Variants in OGDHL observed in about 807,000 individuals in gnomAD.
OGDHL encodes oxoglutarate dehydrogenase L.
A neutral mutation model predicts 109.6 loss-of-function variants in OGDHL; 79 were observed. That is an observed-to-expected ratio of 0.72 (90% CI 0.60 to 0.87). The LOEUF is 0.87. Ranked by LOEUF, OGDHL falls within the 40% of genes least tolerant of loss-of-function variation. OGDHL has a pLI of 0.00. For missense variants in OGDHL, 1,275 were observed against 1,362.2 expected (o/e 0.94, Z 1.01); for synonymous variants, 528 against 537.2 (o/e 0.98, Z 0.24).
rs780553408 is a variant in OGDHL, at chr10:49,744,050, G to A, written c.1805C>T (p.Thr602Ile). 3 of 1,614,044 alleles carry A rather than the reference G, an allele frequency of 1.9e-6. No individual in the cohort carries two copies. Among genetic ancestry groups the A allele is most frequent in the South Asian group, 1.1e-5 (1 of 91,088 alleles). The change falls in exon 14 of 23, where the codon ACC becomes ATC. Residue 602 changes from threonine to isoleucine, a missense_variant. Transcript: ENST00000374103. ...AGAGCTGGCCACACTGCCGATGTGG[G>A]TGAGCATGTCCTCAGGGATCCCCGT... is the stretch of plus-strand genomic sequence containing the variant. Reference protein sequence around the residue: ...PATGIPEDMLTHIGSVASSVP... With the variant: ...PATGIPEDMLIHIGSVASSVP...
chr10:49,736,593 A>T, intron 20 of OGDHL, 73 bp from the exon 21 acceptor site: 1 of 1,505,102 alleles, frequency 6.6e-7, no homozygotes, highest in Non-Finnish European at 9.0e-7. Flanking sequence ...CCAGGCCTGC[A>T]TCCCCAGGCT....
chr10:49,734,972 C>T lies in OGDHL; in HGVS notation c.*256G>A. 1 of 313,356 alleles carries T rather than the reference C, an allele frequency of 3.2e-6. No homozygotes were observed. The highest frequency in any genetic ancestry group is 9.8e-5 in the South Asian group (1 of 10,224). 19.4% of individuals were successfully genotyped at this position (313,356 alleles called of 1,614,324 possible). A position where few individuals can be genotyped will look rare whatever the true frequency, so the allele number is the denominator to read the frequency against. On this transcript the variant is annotated 3_prime_UTR_variant, in exon 23 of 23. Transcript: ENST00000374103. ...AGGTGGAGAAGCCGCCCAAGAAATT[C>T]CAGCAAGATGGGAGCAGCTGGGGGA...
intron 2 of OGDHL, 148 bp from the exon 3 acceptor site, chr10:49,757,094 G>A (rs1437560930): frequency 1.5e-6 from 1 of 678,844 alleles, no homozygotes; most frequent in South Asian, 2.5e-5. Context: ...TACATACAAC[G>A]ATGTTCCCTG....
chr10:49,737,455 C>T (rs73305372), intron 20 of OGDHL, among the ~76,000 whole-genome samples: 12,535 of 152,230 alleles, frequency 0.082, 1,732 homozygotes, highest in African/African-American at 0.28. Context: ...GTCTGTTTGG[C>T]TCATGAATTT....
Position 49,746,800 on chromosome 10 carries a change from G to A in OGDHL, c.1246C>T (p.Leu416=), listed in dbSNP as rs1472158499. 1 of 1,614,198 alleles carries A rather than the reference G, an allele frequency of 6.2e-7. No individual in the cohort carries two copies. The highest frequency in any genetic ancestry group is 8.5e-7 in the Non-Finnish European group (1 of 1,180,032). The change falls in exon 10 of 23, where the codon CTG becomes TTG. Residue 416 remains leucine (L), a synonymous_variant. Coordinates refer to ENST00000374103, the MANE Select transcript of OGDHL (RefSeq NM_018245.3). ...GTACCATTGGTCGTGTAGGAGGGCA[G>A]GTCGCTCAGGTGGAAGGTCTCATAT... is the stretch of plus-strand genomic sequence containing the variant. The part of the protein sequence containing the change: ...VVYETFHLSD[L]PSYTTNGTVH...
In OGDHL at chr10:49,742,818, C is replaced by T. The variant is rs1401556514; in HGVS notation, c.2012+10G>A. On this transcript the variant is annotated intron_variant, in intron 15 of 22. Coordinates refer to ENST00000374103, the MANE Select transcript of OGDHL (RefSeq NM_018245.3). The stretch of plus-strand genomic sequence containing the variant: ...TCTCCTGTGCGGATGCTGAGCCCCA[C>T]TGCGCTCACCTGAATGTGCCCCTCT... 2.5e-6 allele frequency: 4 copies of T among 1,610,310 alleles called. No homozygotes were observed. The African/African-American group carries it at 4.0e-5, about 16-fold the overall frequency.
chr10:49,749,874 T>A, intron 7 of OGDHL, 58 bp from the exon 8 acceptor site: 2 of 1,459,656 alleles, frequency 1.4e-6, no homozygotes, highest in East Asian at 4.9e-5. Context: ...CAGGGTTCCC[T>A]CCCCCACTGT....
rs766652298 is a variant in OGDHL, at chr10:49,751,970, G to A, written c.606C>T (p.Cys202=). The A allele has an allele frequency of 6.8e-6, 11 of 1,614,060 alleles. No homozygotes were observed. The highest frequency in any genetic ancestry group is 8.5e-6 in the Non-Finnish European group (10 of 1,180,042). The part of the protein sequence containing the change: ...EIIRRLENTY[C]QHIGLEFMFI... ...ACATGAACTCCAGGCCAATGTGCTG[G>A]CAGTAGGTGTTCTGGGGAGACACAT... Residue 202 remains cysteine (C), a synonymous_variant, in exon 6 of 23, where the codon TGC becomes TGT. Transcript: ENST00000374103.
At chr10:49,742,757 C>T in intron 15 of OGDHL, 71 bp downstream of exon 15, 10 of 1,531,534 alleles carry the variant, frequency 6.5e-6, no homozygotes, top group South Asian at 2.5e-5. Flanking sequence ...AAGGCCCCCT[C>T]GGGATCCCCA....
At chr10:49,743,895 C>T (rs1248387200) in intron 14 of OGDHL, 99 bp downstream of exon 14, 23 of 1,447,472 alleles carry the variant, frequency 1.6e-5, no homozygotes, top group Admixed American at 1.9e-5. Context: ...AGCAGGAATG[C>T]GACACACCAT....
In OGDHL at chr10:49,747,128, C is replaced by A. The variant is rs562281972; in HGVS notation, c.1068G>T (p.Ser356=). The A allele has an allele frequency of 5.6e-6, 9 of 1,614,164 alleles. No individual in the cohort carries two copies. Among genetic ancestry groups the A allele is most frequent in the Non-Finnish European group, 7.6e-6 (9 of 1,179,970 alleles). ...CCAGGTGGGAGGGGTTGGCAACCAG[C>A]GACAGAGTGATGTTCCGGTTGGTGA... The part of the protein sequence containing the change: ...NRVTNRNITL[S]LVANPSHLEA... The change falls in exon 9 of 23, where the codon TCG becomes TCT. Residue 356 remains serine (S), a synonymous_variant. Transcript: ENST00000374103.
intron 3 of OGDHL, among the ~76,000 whole-genome samples, chr10:49,753,888 TAAAAAAAAAAAA>T (rs63200161): frequency 8.0e-5 from 7 of 87,264 alleles, no homozygotes; most frequent in Admixed American, 2.8e-4. Flanking sequence ...AAACTCCATC[TAAAAAAAAAAAA>T]AAAAAAAAAA....
In OGDHL at chr10:49,735,343, C is replaced by A; in HGVS notation, c.2918G>T (p.Gly973Val). 9 of 1,612,832 alleles carry A rather than the reference C, an allele frequency of 5.6e-6. No homozygotes were observed. The highest frequency in any genetic ancestry group is 7.6e-6 in the Non-Finnish European group (9 of 1,179,716). Residue 973 changes from glycine (G) to valine (V), a missense_variant, in exon 23 of 23, where the codon GGC becomes GTC. Transcript: ENST00000374103. Reference sequence around the variant, plus strand: ...GGCTGGTGCAGCCGCTGGGTCCCGGCCAACATACCTGGAGGAGGAGAGACA... The same window carrying A: ...GGCTGGTGCAGCCGCTGGGTCCCGGACAACATACCTGGAGGAGGAGAGACA... ...LRRARPIWYVGRDPAAAPATG... is the reference protein window; with the variant it reads ...LRRARPIWYVVRDPAAAPATG...
chr10:49,752,298 A>AG, intron 4 of OGDHL, 50 bp from the exon 5 acceptor site: 1 of 1,418,934 alleles, frequency 7.0e-7, no homozygotes, highest in Non-Finnish European at 9.9e-7. Flanking sequence ...GGAGGGAGGG[A>AG]GGTCAGGCCC....
At chr10:49,750,268 C>T (rs1008870714) in intron 7 of OGDHL, among the ~76,000 whole-genome samples, 1 of 152,212 alleles carries the variant, frequency 6.6e-6, no homozygotes, top group Non-Finnish European at 1.5e-5. Flanking sequence ...TCAGCAGGAC[C>T]CCTGGCCACA....
intron 16 of OGDHL, 151 bp from the exon 17 acceptor site, chr10:49,739,990 G>A (rs1254153372): frequency 1.6e-5 from 12 of 760,116 alleles, no homozygotes; most frequent in Non-Finnish European, 2.3e-5. Context: ...GGATTCAAAG[G>A]GTACAATGTA....
At chr10:49,746,715 C>T (rs199681069) in intron 10 of OGDHL, 35 bp downstream of exon 10, 37 of 1,607,244 alleles carry the variant, frequency 2.3e-5, no homozygotes, top group East Asian at 1.1e-4. Context: ...GGGATGCTGA[C>T]GCTGTGAGGC....
chr10:49,748,948 C>A (rs1473791191), intron 8 of OGDHL, among the ~76,000 whole-genome samples: 3 of 152,092 alleles, frequency 2.0e-5, no homozygotes. Flanking sequence ...TGGCTCCATG[C>A]CTGTAATCCC....
At position 49,740,806 on chromosome 10, in the gene OGDHL, C is replaced by T; in HGVS notation, c.2044G>A (p.Val682Ile). Residue 682 changes from valine to isoleucine, a missense_variant, in exon 16 of 23, where the codon GTT (valine) becomes ATT (isoleucine). Transcript: ENST00000374103. ...HRHHVLHDQE[V>I]DRRTCVPMNH... ...ATAGGCACACACGTCCTGCGGTCAA[C>T]CTCCTGGTCATGGAGAACATGGTGC... is the stretch of plus-strand genomic sequence containing the variant. 1.9e-6 allele frequency: 3 copies of T among 1,613,954 alleles called. No individual in the cohort carries two copies. The highest frequency in any genetic ancestry group is 2.5e-6 in the Non-Finnish European group (3 of 1,179,842).
Sources: allele counts gnomAD v4.1 joint callset (sites outside exome capture counted in the v4.1 genomes callset), GRCh38; gene constraint gnomAD v4.1.1; transcripts MANE v1.5; gene names NCBI Gene and HGNC (gene_info 2026-07-23, HGNC 2026-07-21).